The following LRRIQ1 variants were observed in gnomAD, a reference collection of about 807,000 sequenced individuals.
LRRIQ1 encodes the protein leucine rich repeats and IQ motif containing 1.
Under a neutral mutation model 211.9 loss-of-function variants are expected in LRRIQ1, and 210 were observed. The observed-to-expected ratio is 0.99, with a 90% CI of 0.89 to 1.11. LRRIQ1 has a LOEUF of 1.11. LRRIQ1 is among the 50% of genes most tolerant of loss of function. The pLI, the probability that LRRIQ1 is intolerant of heterozygous loss-of-function variation, is 0.00. For missense variants in LRRIQ1, 2,136 were observed against 1,939.5 expected, an observed-to-expected ratio of 1.10 and a Z score of -1.90; for synonymous variants, 699 against 650.1, an observed-to-expected ratio of 1.08 and a Z score of -1.14.
At chr12:85,164,846 A>G (rs1471308257) in intron 24 of LRRIQ1, among the ~76,000 whole-genome samples, 1 of 152,200 alleles carries the variant, frequency 6.6e-6, no homozygotes, top group Non-Finnish European at 1.5e-5. Flanking sequence ...TTACCAGGTA[A>G]CCATGAAATT....
intron 6 of LRRIQ1, chr12:85,048,514 G>C (rs1222430412): frequency 6.7e-6 from 1 of 149,836 alleles, no homozygotes; most frequent in Non-Finnish European, 1.5e-5. Flanking sequence ...AGCCAAGATC[G>C]TGCCACTGCA....
At chr12:85,158,356 T>G (rs1026856301) in intron 23 of LRRIQ1, among the ~76,000 whole-genome samples, 1 of 151,932 alleles carries the variant, frequency 6.6e-6, no homozygotes, top group African/African-American at 2.4e-5. Flanking sequence ...TAGTACTCCT[T>G]TTAAGATTAT....
intron 24 of LRRIQ1, among the ~76,000 whole-genome samples, chr12:85,161,213 T>A (rs184355798): frequency 9.3e-4 from 142 of 152,252 alleles, no homozygotes; most frequent in Non-Finnish European, 1.4e-3. Flanking sequence ...ATAGTTCTGA[T>A]TATATCTCTG....
intron 24 of LRRIQ1, among the ~76,000 whole-genome samples, chr12:85,217,141 A>G (rs553816747): frequency 6.6e-6 from 1 of 151,948 alleles, no homozygotes; most frequent in East Asian, 1.9e-4. Context: ...TTTGACAAAT[A>G]CAAAAATTAT....
chr12:85,133,026 A>G (rs1014896923), intron 18 of LRRIQ1, among the ~76,000 whole-genome samples: 2 of 152,038 alleles, frequency 1.3e-5, no homozygotes, highest in Non-Finnish European at 2.9e-5. Flanking sequence ...ACATTATACA[A>G]TGTTAAATAT....
At chr12:85,141,070 T>G (rs1044739705) in intron 19 of LRRIQ1, among the ~76,000 whole-genome samples, 2 of 151,360 alleles carry the variant, frequency 1.3e-5, no homozygotes, top group African/African-American at 4.8e-5. Context: ...TATCGTATTA[T>G]GTTGGCCTTA....
At chr12:85,204,165 C>G (rs1322355966) in intron 24 of LRRIQ1, among the ~76,000 whole-genome samples, 1 of 152,166 alleles carries the variant, frequency 6.6e-6, no homozygotes, top group Admixed American at 6.5e-5. Flanking sequence ...AGCCCCAAAC[C>G]TTGGCAGCTT....
chr12:85,172,770 TTGA>T (rs1891479260), intron 24 of LRRIQ1, among the ~76,000 whole-genome samples: 1 of 152,092 alleles, frequency 6.6e-6, no homozygotes, highest in Non-Finnish European at 1.5e-5. Context: ...GGTTCGGGAA[TTGA>T]TGATATTAGG....
chr12:85,203,779 AG>A (rs1177043573), intron 24 of LRRIQ1, among the ~76,000 whole-genome samples: 42 of 152,174 alleles, frequency 2.8e-4, no homozygotes, highest in Admixed American at 2.5e-3. Context: ...GTGCTGTAAA[AG>A]GCATTCTGTT....
Position 85,047,455 on chromosome 12 carries a change from A to G in LRRIQ1, c.663A>G (p.Leu221=). ...AATTTAAAGTTGAAAAGAAGAAATT[A>G]GAGAACATTCAGAAGGTATTTTGCT... ...MKQFKVEKKK[L]ENIQKQEQDK... The change falls in exon 6 of 27, where the codon TTA becomes TTG. Residue 221 remains leucine (L), a synonymous_variant. Coordinates refer to ENST00000393217, the MANE Select transcript of LRRIQ1 (RefSeq NM_001079910.2). The G allele has an allele frequency of 6.2e-7, 1 of 1,611,762 alleles. No homozygotes were observed. Among genetic ancestry groups the G allele is most frequent in the East Asian group, 2.2e-5 (1 of 44,712 alleles).
In LRRIQ1 at chr12:85,226,213, A is replaced by G. The variant is rs371496318; in HGVS notation, c.4823-3304A>G. Among the ~76,000 whole-genome samples, 6 of 152,312 alleles carry G rather than the reference A, an allele frequency of 3.9e-5. No homozygotes were observed. In the South Asian group the frequency reaches 1.2e-3, roughly 32 times the overall value. On this transcript the variant is annotated intron_variant, in intron 24 of 26. Coordinates refer to ENST00000393217, the MANE Select transcript of LRRIQ1 (RefSeq NM_001079910.2). ...ACTTTAAAAAGTGACCATTGCAAGTATATGTCACTATTTTTAAGAACAGGA... is the reference window on the plus strand; with the variant it reads ...ACTTTAAAAAGTGACCATTGCAAGTGTATGTCACTATTTTTAAGAACAGGA...
At chr12:85,255,391 A>C (rs921279404) in intron 1 of LRRIQ1, among the ~76,000 whole-genome samples, 4 of 151,950 alleles carry the variant, frequency 2.6e-5, no homozygotes, top group Non-Finnish European at 5.9e-5. Context: ...ATTGACTTTC[A>C]TATTTCCTAT....
chr12:85,156,127 A>T (rs1226726789), intron 23 of LRRIQ1, among the ~76,000 whole-genome samples: 1 of 151,772 alleles, frequency 6.6e-6, no homozygotes, highest in East Asian at 1.9e-4. Context: ...CTCCAATAAC[A>T]TGATTATAAT....
chr12:85,112,477 C>T (rs1377275358), intron 15 of LRRIQ1, among the ~76,000 whole-genome samples: 1 of 116,306 alleles, frequency 8.6e-6, no homozygotes, highest in Non-Finnish European at 1.9e-5. Context: ...ATTATTTTCT[C>T]ATGGCTTTCT....
chr12:85,210,654 T>G lies in LRRIQ1; in HGVS notation c.4823-18863T>G, dbSNP rs145830984. 5.2e-3 allele frequency among the ~76,000 whole-genome samples: 789 copies of G among 152,252 alleles called. 4 individuals carry two copies. Among genetic ancestry groups the G allele is most frequent in the African/African-American group, 0.018 (767 of 41,562 alleles). ...TCTAATAGAAGAAAGAAGCAAATCA[T>G]TGGTTTCGTATACAAGATGTACTTA... is the stretch of plus-strand genomic sequence containing the variant. On this transcript the variant is annotated intron_variant, in intron 24 of 26. Coordinates refer to ENST00000393217, the MANE Select transcript of LRRIQ1 (RefSeq NM_001079910.2).
intron 1 of LRRIQ1, among the ~76,000 whole-genome samples, chr12:85,261,680 C>T (rs1389541478): frequency 6.6e-6 from 1 of 151,990 alleles, no homozygotes; most frequent in African/African-American, 2.4e-5. Flanking sequence ...CTTCCAAACC[C>T]TTTCCCCACA....
In LRRIQ1 at chr12:85,055,911, A is replaced by C. The variant is rs148534712; in HGVS notation, c.1118A>C (p.Gln373Pro). The C allele has an allele frequency of 3.2e-4, 511 of 1,599,824 alleles. No individual in the cohort carries two copies. The highest frequency in any genetic ancestry group is 7.9e-4 in the Admixed American group (45 of 57,130). ...EYEEKKNIVK[Q>P]EREQLISKEK... Reference sequence around the variant, plus strand: ...GAAGAAAAAAAGAATATTGTGAAACAGGAAAGAGAGCAACTAATAAGCAAG... The same window carrying C: ...GAAGAAAAAAAGAATATTGTGAAACCGGAAAGAGAGCAACTAATAAGCAAG... The change falls in exon 8 of 27, where the codon CAG becomes CCG. Residue 373 changes from glutamine to proline, a missense_variant. Coordinates refer to ENST00000393217, the MANE Select transcript of LRRIQ1 (RefSeq NM_001079910.2).
At chr12:85,232,623 A>G in intron 25 of LRRIQ1, 73 bp from the exon 26 acceptor site, 2 of 1,195,370 alleles carry the variant, frequency 1.7e-6, no homozygotes, top group South Asian at 1.4e-5. Context: ...CAAGCTTTTT[A>G]GTTGGACGTT....
chr12:85,130,266 G>A (rs1211842852), intron 18 of LRRIQ1, among the ~76,000 whole-genome samples: 1 of 152,092 alleles, frequency 6.6e-6, no homozygotes, highest in Admixed American at 6.5e-5. Context: ...TGGGAGTGAG[G>A]AGACAGCAAT....
Sources: gnomAD v4.1 joint callset for allele counts (sites outside exome capture counted in the v4.1 genomes callset) on GRCh38, gnomAD v4.1.1 for gene constraint, MANE v1.5 for transcripts, NCBI Gene and HGNC (gene_info 2026-07-23, HGNC 2026-07-21) for gene names.